The following CPM variants were observed in gnomAD, a reference collection of about 807,000 sequenced individuals.
CPM encodes renal carboxypeptidase.
Under a neutral mutation model 46.4 loss-of-function variants are expected in CPM, and 35 were observed. The observed-to-expected ratio is 0.75, with a 90% CI of 0.58 to 1.00. The LOEUF (loss-of-function observed/expected upper bound fraction) is 1.00. CPM is among the 50% of genes least tolerant of loss of function. The probability of loss-of-function intolerance (pLI) is 0.00; values close to 1 mark genes in which losing one functional copy is unlikely to be tolerated. For missense variants in CPM, 422 were observed against 530.4 expected (o/e 0.80, Z 2.01); for synonymous variants, 195 against 195.3 (o/e 1.00, Z 0.01).
chr12:68,890,009 A>G (rs1886589223), intron 2 of CPM, among the ~76,000 whole-genome samples: 1 of 152,124 alleles, frequency 6.6e-6, no homozygotes, highest in African/African-American at 2.4e-5. Context: ...GGCTGATGCC[A>G]TTTTAGGCTT....
chr12:68,871,671 G>A (rs950664551), intron 4 of CPM, 113 bp downstream of exon 4: 28 of 1,127,120 alleles, frequency 2.5e-5, no homozygotes, highest in East Asian at 1.7e-4. Flanking sequence ...ACATGACACC[G>A]GCTCTGAGGG....
chr12:68,864,900 T>TTGGG (rs1885368548), intron 7 of CPM, among the ~76,000 whole-genome samples: 2 of 152,028 alleles, frequency 1.3e-5, no homozygotes, highest in African/African-American at 4.8e-5. Flanking sequence ...CCTGTAGTCC[T>TTGGG]ACTTACTTGG....
At chr12:68,887,757 T>C (rs999788706) in intron 2 of CPM, among the ~76,000 whole-genome samples, 5 of 152,186 alleles carry the variant, frequency 3.3e-5, no homozygotes, top group African/African-American at 1.2e-4. Flanking sequence ...GATAGATGTG[T>C]GTGTAGTGTA....
chr12:68,885,956 A>G (rs2701085), intron 2 of CPM, 67 bp from the exon 3 acceptor site: 1,228,636 of 1,390,508 alleles, frequency 0.88, 543,333 homozygotes, highest in Middle Eastern at 0.9. Context: ...GAACTCTGGT[A>G]AGACTAGGAA....
chr12:68,944,809 G>C (rs988938696), intron 1 of CPM, among the ~76,000 whole-genome samples: 1 of 151,960 alleles, frequency 6.6e-6, no homozygotes, highest in Non-Finnish European at 1.5e-5. Context: ...TGAGAACTCA[G>C]ACGTTAGGAT....
At chr12:68,883,477 G>C (rs1053156252) in intron 3 of CPM, among the ~76,000 whole-genome samples, 1 of 152,046 alleles carries the variant, frequency 6.6e-6, no homozygotes, top group Non-Finnish European at 1.5e-5. Context: ...TCACATAAGG[G>C]GGTAAAAGTG....
At chr12:68,920,535 CTG>C (rs1887990104) in intron 2 of CPM, among the ~76,000 whole-genome samples, 1 of 152,204 alleles carries the variant, frequency 6.6e-6, no homozygotes, top group Admixed American at 6.5e-5. Context: ...ATTTCCAAAA[CTG>C]TGCCCTTCTG....
At chr12:68,872,222 G>C (rs1013368493) in intron 3 of CPM, among the ~76,000 whole-genome samples, 1 of 147,934 alleles carries the variant, frequency 6.8e-6, no homozygotes, top group African/African-American at 2.6e-5. Flanking sequence ...ATGAATTAGA[G>C]TGGAATAATG....
At chr12:68,877,334 G>T (rs569299407) in intron 3 of CPM, among the ~76,000 whole-genome samples, 24 of 152,272 alleles carry the variant, frequency 1.6e-4, no homozygotes, top group African/African-American at 5.8e-4. Flanking sequence ...GGTATATCAT[G>T]TATTCAATAA....
At chr12:68,889,123 G>C (rs1199483448) in intron 2 of CPM, among the ~76,000 whole-genome samples, 3 of 152,196 alleles carry the variant, frequency 2.0e-5, no homozygotes, top group Non-Finnish European at 4.4e-5. Flanking sequence ...AGTTCCTTTG[G>C]TGATTGGGAG....
chr12:68,885,972 A>G, intron 2 of CPM, 83 bp from the exon 3 acceptor site: 1 of 1,168,104 alleles, frequency 8.6e-7, no homozygotes, highest in Non-Finnish European at 1.2e-6. Context: ...AGGAAACAGG[A>G]TGCTGCTTCC....
intron 2 of CPM, among the ~76,000 whole-genome samples, chr12:68,926,778 T>G (rs1888281196): frequency 6.6e-6 from 1 of 152,078 alleles, no homozygotes; most frequent in South Asian, 2.1e-4. Context: ...GTGTTCTCAT[T>G]GTTCAATTCC....
intron 1 of CPM, among the ~76,000 whole-genome samples, chr12:68,938,599 A>G (rs1460305480): frequency 6.6e-6 from 1 of 152,160 alleles, no homozygotes; most frequent in Non-Finnish European, 1.5e-5. Context: ...TTGCTAGGTT[A>G]AAAAGCATGT....
At position 68,856,055 on chromosome 12, in the gene CPM, G is replaced by C; in HGVS notation, c.*382C>G. Reference sequence around the variant, plus strand: ...GCCTTATGGTGAAGTCTTGTATGTAGAAGATCAATAAATGTTCATCTTCAT... The same window carrying C: ...GCCTTATGGTGAAGTCTTGTATGTACAAGATCAATAAATGTTCATCTTCAT... On this transcript the variant is annotated 3_prime_UTR_variant, in exon 9 of 9. Coordinates refer to ENST00000551568, the MANE Select transcript of CPM (RefSeq NM_198320.5). 1 of 208,674 alleles carries C rather than the reference G, an allele frequency of 4.8e-6. No individual in the cohort carries two copies. The highest frequency in any genetic ancestry group is 9.8e-6 in the Non-Finnish European group (1 of 102,308). The allele number at this position is 208,674 out of a possible 1,614,324, so 12.9% of individuals were successfully genotyped here.
intron 2 of CPM, among the ~76,000 whole-genome samples, chr12:68,915,675 G>A (rs757426757): frequency 6.6e-5 from 10 of 152,198 alleles, no homozygotes; most frequent in African/African-American, 1.2e-4. Context: ...CACTGCCCTA[G>A]TTCATAAAGG....
chr12:68,927,704 C>T (rs562243464), intron 2 of CPM, among the ~76,000 whole-genome samples: 4 of 152,062 alleles, frequency 2.6e-5, no homozygotes, highest in Admixed American at 6.6e-5. Context: ...TTAGGTCTAA[C>T]GTTTAAGTCT....
At chr12:68,898,811 T>A (rs187804951) in intron 2 of CPM, among the ~76,000 whole-genome samples, 2 of 152,316 alleles carry the variant, frequency 1.3e-5, no homozygotes, top group East Asian at 3.9e-4. Flanking sequence ...TCCCTCTAAA[T>A]GAATCAGTTT....
At chr12:68,881,440 T>G (rs1015868786) in intron 3 of CPM, among the ~76,000 whole-genome samples, 7 of 152,178 alleles carry the variant, frequency 4.6e-5, no homozygotes, top group Non-Finnish European at 1.0e-4. Context: ...CAGGACTGGA[T>G]CCTGATTTGG....
At chr12:68,856,914 G>C (rs182455737) in intron 8 of CPM, among the ~76,000 whole-genome samples, 157 of 152,332 alleles carry the variant, frequency 1.0e-3, no homozygotes, top group Admixed American at 1.8e-3. Flanking sequence ...AATAAGGACA[G>C]ATGGGTACCT....
Sources: gnomAD v4.1 joint callset for allele counts (sites outside exome capture counted in the v4.1 genomes callset) on GRCh38, gnomAD v4.1.1 for gene constraint, MANE v1.5 for transcripts, NCBI Gene and HGNC (gene_info 2026-07-23, HGNC 2026-07-21) for gene names.